The following TMEM132B variants were observed in gnomAD, a reference collection of about 807,000 sequenced individuals.
TMEM132B encodes transmembrane protein 132B.
A neutral mutation model predicts 90.8 loss-of-function variants in TMEM132B; 18 were observed. The ratio of observed to expected loss-of-function variants is 0.20; its 90% CI spans 0.14 to 0.29. The LOEUF (loss-of-function observed/expected upper bound fraction) is 0.29. Among genes scored for constraint, TMEM132B ranks in the 10% least tolerant of loss-of-function variants. The pLI, the probability that TMEM132B is intolerant of heterozygous loss-of-function variation, is 1.00. For synonymous variants in TMEM132B, 504 were observed against 523.3 expected (o/e 0.96, Z 0.50); for missense variants, 1,096 against 1,326.8 (o/e 0.83, Z 2.70).
At chr12:125,207,994 T>C (rs1423085957) in intron 1 of TMEM132B, among the ~76,000 whole-genome samples, 1 of 152,260 alleles carries the variant, frequency 6.6e-6, no homozygotes, top group African/African-American at 2.4e-5. Flanking sequence ...TAAATTTAAA[T>C]GGCTACCCGT....
chr12:125,547,791 T>C (rs1346658487), intron 4 of TMEM132B, among the ~76,000 whole-genome samples: 2 of 152,136 alleles, frequency 1.3e-5, no homozygotes, highest in Admixed American at 6.5e-5. Context: ...CAGTGGTCCC[T>C]GGCTCCAGGT....
At chr12:125,191,210 G>T (rs1872780008) in intron 1 of TMEM132B, among the ~76,000 whole-genome samples, 1 of 148,934 alleles carries the variant, frequency 6.7e-6, no homozygotes, top group Non-Finnish European at 1.5e-5. Context: ...GGTGGTGATG[G>T]TGATGGGGAA....
At chr12:125,384,446 C>A (rs1035088278) in intron 2 of TMEM132B, among the ~76,000 whole-genome samples, 27 of 152,172 alleles carry the variant, frequency 1.8e-4, no homozygotes, top group African/African-American at 6.5e-4. Context: ...TTATGGGGTA[C>A]AATGTGATGT....
intron 1 of TMEM132B, among the ~76,000 whole-genome samples, chr12:125,218,269 A>AT (rs1212023097): frequency 7.9e-5 from 12 of 152,116 alleles, no homozygotes; most frequent in African/African-American, 2.7e-4. Flanking sequence ...TGCCATGTGC[A>AT]TTTTTTAACT....
chr12:125,249,408 G>T (rs188356171), intron 1 of TMEM132B, among the ~76,000 whole-genome samples: 1 of 152,268 alleles, frequency 6.6e-6, no homozygotes, highest in Non-Finnish European at 1.5e-5. Flanking sequence ...AAGGGCAGGA[G>T]CTGTTAGGTC....
chr12:125,421,065 C>T (rs1790986194), intron 3 of TMEM132B, among the ~76,000 whole-genome samples: 1 of 152,224 alleles, frequency 6.6e-6, no homozygotes. Context: ...CTATCACTGT[C>T]AGTATTTTGG....
intron 2 of TMEM132B, among the ~76,000 whole-genome samples, chr12:125,402,862 AT>A (rs372174145): frequency 0.011 from 1,657 of 151,098 alleles, 81 homozygotes; most frequent in East Asian, 0.011. Context: ...AATACATATA[AT>A]TTTTTTTTTC....
In TMEM132B at chr12:125,209,235, C is replaced by T. The variant is rs1262155391; in HGVS notation, c.67+22369C>T. 2.0e-5 allele frequency among the ~76,000 whole-genome samples: 3 copies of T among 152,216 alleles called. No individual in the cohort carries two copies. The highest frequency in any genetic ancestry group is 7.2e-5 in the African/African-American group (3 of 41,442). ...TGAGCCTGGGTGCACACGAGGGCCG[C>T]TCTCTTTCTGTAAATGAATGTTGGG... On this transcript the variant is annotated intron_variant, in intron 1 of 8. Coordinates refer to ENST00000682704, the MANE Select transcript of TMEM132B (RefSeq NM_001366854.1). The surrounding 1 kb of genome is among the most constrained non-coding windows in gnomAD (Gnocchi z 4.4).
chr12:125,572,097 T>C (rs1248004818), intron 4 of TMEM132B, among the ~76,000 whole-genome samples: 1 of 152,226 alleles, frequency 6.6e-6, no homozygotes. Flanking sequence ...TATTATTAGA[T>C]TCAGTTTACA....
intron 1 of TMEM132B, among the ~76,000 whole-genome samples, chr12:125,333,542 C>T (rs965672400): frequency 1.3e-5 from 2 of 152,156 alleles, no homozygotes; most frequent in African/African-American, 4.8e-5. Flanking sequence ...GTGTTGGGCT[C>T]ATTTTTAGAA....
At chr12:125,205,077 A>G (rs569571900) in intron 1 of TMEM132B, among the ~76,000 whole-genome samples, 1 of 145,364 alleles carries the variant, frequency 6.9e-6, no homozygotes, top group South Asian at 2.3e-4. Flanking sequence ...GGAGTATCTC[A>G]TGAATCCTTT....
chr12:125,285,255 G>A (rs968726095), intron 1 of TMEM132B, among the ~76,000 whole-genome samples: 3 of 152,180 alleles, frequency 2.0e-5, no homozygotes, highest in Non-Finnish European at 4.4e-5. Context: ...AGAACCGGGT[G>A]GACTGAGGTT....
intron 1 of TMEM132B, among the ~76,000 whole-genome samples, chr12:125,325,669 CTGTGTGTGTGTG>C (rs59220510): frequency 0.16 from 19,773 of 124,164 alleles, 1,532 homozygotes; most frequent in East Asian, 0.37. Flanking sequence ...GCCTCCCACC[CTGTGTGTGTGTG>C]TGTGTGTGTG....
Position 125,656,161 on chromosome 12 carries a change from A to G in TMEM132B, c.*1451A>G, listed in dbSNP as rs953453210. 1 of 152,266 alleles carries G rather than the reference A, an allele frequency of 6.6e-6. No individual in the cohort carries two copies. Among genetic ancestry groups the G allele is most frequent in the African/African-American group, 2.4e-5 (1 of 41,476 alleles). The allele number at this position is 152,266 out of a possible 1,614,324, so 9.4% of individuals were successfully genotyped here. The stretch of plus-strand genomic sequence containing the variant: ...AAAAATTTCAGATTAGCAAAATGTG[A>G]TGACATATTTATTAAGATTGTATTA... On this transcript the variant is annotated 3_prime_UTR_variant, in exon 9 of 9. Coordinates refer to ENST00000682704, the MANE Select transcript of TMEM132B (RefSeq NM_001366854.1).
chr12:125,560,454 A>G (rs1884491754), intron 4 of TMEM132B, among the ~76,000 whole-genome samples: 1 of 152,230 alleles, frequency 6.6e-6, no homozygotes, highest in Admixed American at 6.5e-5. Context: ...GCTCTTCATC[A>G]CTGGTCATTA....
At chr12:125,421,879 T>C (rs147332508) in intron 3 of TMEM132B, among the ~76,000 whole-genome samples, 1 of 152,376 alleles carries the variant, frequency 6.6e-6, no homozygotes, top group Non-Finnish European at 1.5e-5. Context: ...AGGATTCTTA[T>C]TCAAGTTTAA....
At position 125,415,035 on chromosome 12, in the gene TMEM132B, AC is replaced by A. The variant is rs1387676222; in HGVS notation, c.960-495del. 6.6e-6 allele frequency among the ~76,000 whole-genome samples: 1 copy of A among 152,102 alleles called. No individual in the cohort carries two copies. Among genetic ancestry groups the A allele is most frequent in the Admixed American group, 6.6e-5 (1 of 15,266 alleles). ...CCTGAATGCCACATTTGTTCTTCAA[AC>A]ACCTGAGGACTGGGTGCTCCCGTCC... On this transcript the variant is annotated intron_variant, in intron 2 of 8. Transcript: ENST00000682704. The surrounding 1 kb of genome is among the most constrained non-coding windows in gnomAD (Gnocchi z 5.3).
chr12:125,511,520 A>G (rs2136632014), intron 3 of TMEM132B, among the ~76,000 whole-genome samples: 1 of 151,892 alleles, frequency 6.6e-6, no homozygotes, highest in Non-Finnish European at 1.5e-5. Flanking sequence ...TAGAAGAGAT[A>G]ACTGCACAGC....
chr12:125,554,617 C>G (rs1334240537), intron 4 of TMEM132B, among the ~76,000 whole-genome samples: 1 of 151,926 alleles, frequency 6.6e-6, no homozygotes, highest in Non-Finnish European at 1.5e-5. Flanking sequence ...TGAAATATCT[C>G]CAAGAATCCC....
Sources: gnomAD v4.1 joint callset for allele counts (sites outside exome capture counted in the v4.1 genomes callset) on GRCh38, gnomAD v4.1.1 for gene constraint, Gnocchi (gnomAD v3.1) non-coding constraint, MANE v1.5 for transcripts, NCBI Gene and HGNC (gene_info 2026-07-23, HGNC 2026-07-21) for gene names.